CADPS2: variants seen among roughly 807,000 people sequenced by gnomAD.
CADPS2 encodes the protein calcium-dependent secretion activator 2.
A neutral mutation model predicts 172.5 loss-of-function variants in CADPS2; 93 were observed. That is an observed-to-expected ratio of 0.54 (90% CI 0.46 to 0.64). The LOEUF is 0.64. Among genes scored for constraint, CADPS2 ranks in the 30% least tolerant of loss-of-function variants. The pLI, the probability that CADPS2 is intolerant of heterozygous loss-of-function variation, is 0.00. For synonymous variants in CADPS2, 546 were observed against 555.2 expected, an observed-to-expected ratio of 0.98 and a Z score of 0.23; for missense variants, 1,420 against 1,565.9, an observed-to-expected ratio of 0.91 and a Z score of 1.57.
intron 1 of CADPS2, among the ~76,000 whole-genome samples, chr7:122,758,009 ATTTAAG>A (rs1040748199): frequency 3.9e-5 from 6 of 152,184 alleles, no homozygotes; most frequent in Non-Finnish European, 8.8e-5. Context: ...AAAATGCTAA[ATTTAAG>A]TTTAAAAAGT....
In CADPS2 at chr7:122,886,005, C is replaced by T. The variant is rs761597432; in HGVS notation, c.333G>A (p.Gln111=). 28 of 1,605,502 alleles carry T rather than the reference C, an allele frequency of 1.7e-5. No individual in the cohort carries two copies. Among genetic ancestry groups the T allele is most frequent in the Non-Finnish European group, 2.5e-6 (3 of 1,176,506 alleles). The change falls in exon 1 of 30, where the codon CAG becomes CAA. Residue 111 remains glutamine, a synonymous_variant. Coordinates refer to ENST00000449022, the MANE Select transcript of CADPS2 (RefSeq NM_017954.11). ...GCCCGGTCCCGCAACTCACCTTCTGCTGCCTCCGGGCCATGTCGGTGGGCT... is the reference window on the plus strand; with the variant it reads ...GCCCGGTCCCGCAACTCACCTTCTGTTGCCTCCGGGCCATGTCGGTGGGCT... ...AKQPTDMARR[Q]QKLNKQQLQL... is the part of the protein sequence containing the mutation.
chr7:122,676,774 G>A (rs2082420744), intron 2 of CADPS2: 7 of 1,046,216 alleles, frequency 6.7e-6, no homozygotes, highest in Admixed American at 2.1e-5. Context: ...TCTCCAGACT[G>A]TGAACCAAAC....
At chr7:122,328,795 A>G (rs2034401199) in intron 28 of CADPS2, among the ~76,000 whole-genome samples, 1 of 152,172 alleles carries the variant, frequency 6.6e-6, no homozygotes, top group Non-Finnish European at 1.5e-5. Flanking sequence ...ATTGTGCATG[A>G]CTGTAGACTG....
intron 2 of CADPS2, among the ~76,000 whole-genome samples, chr7:122,673,165 G>GA (rs1160352571): frequency 1.3e-5 from 2 of 152,214 alleles, no homozygotes; most frequent in African/African-American, 2.4e-5. Context: ...AGGCGGTGCG[G>GA]ACCCAAAGAG....
intron 2 of CADPS2, chr7:122,702,584 A>C: frequency 6.2e-7 from 1 of 1,613,664 alleles, no homozygotes; most frequent in Non-Finnish European, 8.5e-7. Flanking sequence ...ACTCTCTCCT[A>C]ATTCCGATGT....
At chr7:122,619,836 T>C (rs959191851) in intron 5 of CADPS2, among the ~76,000 whole-genome samples, 1 of 152,162 alleles carries the variant, frequency 6.6e-6, no homozygotes, top group Non-Finnish European at 1.5e-5. Context: ...GTCAAAAGGC[T>C]GAAAAGGCTA....
chr7:122,736,120 AC>A (rs1329916416), intron 2 of CADPS2, among the ~76,000 whole-genome samples: 3 of 152,122 alleles, frequency 2.0e-5, no homozygotes, highest in African/African-American at 7.2e-5. Flanking sequence ...GCATTAATTA[AC>A]CTCTGATGCA....
At chr7:122,652,017 T>C (rs1382789039) in intron 3 of CADPS2, among the ~76,000 whole-genome samples, 1 of 152,204 alleles carries the variant, frequency 6.6e-6, no homozygotes, top group East Asian at 1.9e-4. Context: ...CAAAAAGCCA[T>C]GCATTTCATG....
Position 122,859,525 on chromosome 7 carries a change from G to T in CADPS2, c.339+26474C>A, listed in dbSNP as rs898954844. On this transcript the variant is annotated intron_variant, in intron 1 of 29. Transcript: ENST00000449022. ...AATGGCTCCAGTAATACATAGGGGA[G>T]TCAAAGATAAAACTATTAAGTCACT... Among the ~76,000 whole-genome samples the T allele has an allele frequency of 4.1e-4, 62 of 152,054 alleles. 2 individuals carry two copies. Among genetic ancestry groups the T allele is most frequent in the Non-Finnish European group, 4.4e-5 (3 of 67,998 alleles).
At chr7:122,530,604 A>G (rs896645468) in intron 8 of CADPS2, among the ~76,000 whole-genome samples, 5 of 152,164 alleles carry the variant, frequency 3.3e-5, no homozygotes, top group Admixed American at 1.3e-4. Context: ...TAAGGTTTCA[A>G]TTATCACTAC....
chr7:122,763,216 T>A (rs766492835), intron 1 of CADPS2, among the ~76,000 whole-genome samples: 1 of 152,076 alleles, frequency 6.6e-6, no homozygotes, highest in African/African-American at 2.4e-5. Context: ...CAACTCCCAA[T>A]TGCAAATAAT....
rs574588200 is a variant in CADPS2, at chr7:122,628,869, T to G, written c.867+379A>C. 1.2e-4 allele frequency among the ~76,000 whole-genome samples: 18 copies of G among 151,278 alleles called. No individual in the cohort carries two copies. The East Asian group carries it at 3.5e-3, about 29-fold the overall frequency. On this transcript the variant is annotated intron_variant, in intron 4 of 29. Coordinates refer to ENST00000449022, the MANE Select transcript of CADPS2 (RefSeq NM_017954.11). ...AACCACTATGTGCCAATAACTTTAC[T>G]GTATACTTAGGAATGTATTATATGA...
At chr7:122,703,019 G>C (rs2086416049) in intron 2 of CADPS2, 1 of 397,598 alleles carries the variant, frequency 2.5e-6, no homozygotes, top group Non-Finnish European at 4.5e-6. Flanking sequence ...TATGACATCA[G>C]AGGTAGTTAA....
intron 3 of CADPS2, among the ~76,000 whole-genome samples, chr7:122,631,328 A>C (rs1181073344): frequency 1.3e-5 from 2 of 152,204 alleles, no homozygotes; most frequent in African/African-American, 4.8e-5. Flanking sequence ...AGAAACACTA[A>C]CATATTTTTG....
Position 122,325,564 on chromosome 7 carries a change from G to C in CADPS2, c.3630C>G (p.Ser1210=). 6.2e-7 allele frequency: 1 copy of C among 1,609,586 alleles called. No individual in the cohort carries two copies. Among genetic ancestry groups the C allele is most frequent in the Non-Finnish European group, 8.5e-7 (1 of 1,177,402 alleles). Residue 1210 remains serine, a synonymous_variant, in exon 29 of 30, where the codon TCC becomes TCG. Coordinates refer to ENST00000449022, the MANE Select transcript of CADPS2 (RefSeq NM_017954.11). ...TCAACCACACGCAAATGACTTTCAT[G>C]GAACTGCTGTACCATTGCTAGAAGG... The part of the protein sequence containing the change: ...EKLFDQWYSS[S]MKVICVWLTD...
chr7:122,543,171 TC>T (rs1410504732), intron 8 of CADPS2, among the ~76,000 whole-genome samples: 1 of 152,108 alleles, frequency 6.6e-6, no homozygotes, highest in Non-Finnish European at 1.5e-5. Context: ...ATGGTATCTT[TC>T]CAAATGGATG....
At chr7:122,800,945 T>C (rs940198358) in intron 1 of CADPS2, among the ~76,000 whole-genome samples, 1 of 150,468 alleles carries the variant, frequency 6.6e-6, no homozygotes, top group African/African-American at 2.5e-5. Flanking sequence ...TGAGCCAAGA[T>C]TGTGCCACTG....
At chr7:122,738,762 A>G (rs972852263) in intron 1 of CADPS2, among the ~76,000 whole-genome samples, 9 of 152,028 alleles carry the variant, frequency 5.9e-5, no homozygotes, top group Non-Finnish European at 1.3e-4. Context: ...TTAGGACTCT[A>G]ACAAATAAGA....
At chr7:122,404,142 C>T (rs1304436590) in intron 20 of CADPS2, among the ~76,000 whole-genome samples, 2 of 152,170 alleles carry the variant, frequency 1.3e-5, no homozygotes, top group Admixed American at 6.5e-5. Flanking sequence ...TCCCTCCCCC[C>T]TCTCCCCACC....
Sources: allele counts gnomAD v4.1 joint callset (sites outside exome capture counted in the v4.1 genomes callset), GRCh38; gene constraint gnomAD v4.1.1; transcripts MANE v1.5; gene names NCBI Gene and HGNC (gene_info 2026-07-23, HGNC 2026-07-21).